Variants in ZRANB3 observed in about 807,000 individuals in gnomAD.
ZRANB3 encodes the protein zinc finger RANBP2-type containing 3, also known as DNA annealing helicase and endonuclease ZRANB3.
In ZRANB3, 125 loss-of-function variants were observed where a neutral mutation model predicts 133.8. The ratio of observed to expected loss-of-function variants is 0.93; its 90% confidence interval spans 0.81 to 1.08. The LOEUF (loss-of-function observed/expected upper bound fraction) is 1.08. Among genes scored for constraint, ZRANB3 ranks in the 50% least tolerant of loss-of-function variants. The pLI, the probability that ZRANB3 is intolerant of heterozygous loss-of-function variation, is 0.00. For synonymous variants in ZRANB3, 387 were observed against 432.7 expected, an observed-to-expected ratio of 0.89 and a Z score of 1.31; for missense variants, 1,229 against 1,275.5, an observed-to-expected ratio of 0.96 and a Z score of 0.56.
At chr2:135,407,061 A>C (rs1458589612) in intron 2 of ZRANB3, among the ~76,000 whole-genome samples, 1 of 152,200 alleles carries the variant, frequency 6.6e-6, no homozygotes, top group Non-Finnish European at 1.5e-5. Flanking sequence ...ATGATTATAT[A>C]TCTAGAAAAC....
chr2:135,275,800 AT>A lies in ZRANB3; in HGVS notation c.967-46del, dbSNP rs766134103. 35 of 1,396,212 alleles carry A rather than the reference AT, an allele frequency of 2.5e-5. No individual in the cohort carries two copies. The African/African-American group carries it at 4.6e-4, about 18-fold the overall frequency. The allele number at this position is 1,396,212 out of a possible 1,614,324, so 86.5% of individuals were successfully genotyped here. A position where few individuals can be genotyped will look rare whatever the true frequency, so the allele number is the denominator to read the frequency against. On this transcript the variant is annotated intron_variant, in intron 8 of 20. Coordinates refer to ENST00000264159, the MANE Select transcript of ZRANB3 (RefSeq NM_032143.4). ...CCTTATTAGTGTCATAAAAATGATTATTTAAAATTTATGTCACTTTTAATAA... is the reference window on the plus strand; with the variant it reads ...CCTTATTAGTGTCATAAAAATGATTATTAAAATTTATGTCACTTTTAATAA...
At chr2:135,379,591 T>C (rs759699779) in intron 3 of ZRANB3, among the ~76,000 whole-genome samples, 3 of 152,216 alleles carry the variant, frequency 2.0e-5, no homozygotes, top group Non-Finnish European at 4.4e-5. Flanking sequence ...AATAAAATCC[T>C]TTACAGACAA....
chr2:135,343,110 C>A (rs141402680), intron 6 of ZRANB3, among the ~76,000 whole-genome samples: 1 of 141,888 alleles, frequency 7.0e-6, no homozygotes, highest in South Asian at 2.2e-4. Context: ...TGCTTGAACC[C>A]GGGAGGCAGA....
intron 8 of ZRANB3, among the ~76,000 whole-genome samples, chr2:135,293,474 A>G (rs1017478402): frequency 1.3e-5 from 2 of 152,160 alleles, no homozygotes; most frequent in African/African-American, 2.4e-5. Flanking sequence ...GAAGTTGCCT[A>G]TCAGCTTAAG....
At chr2:135,303,794 T>C (rs541678745) in intron 8 of ZRANB3, among the ~76,000 whole-genome samples, 1 of 152,340 alleles carries the variant, frequency 6.6e-6, no homozygotes, top group East Asian at 1.9e-4. Flanking sequence ...ATCTATCTGT[T>C]GTTTATTTAA....
At chr2:135,473,011 G>A (rs1304445501) in intron 2 of ZRANB3, among the ~76,000 whole-genome samples, 1 of 152,112 alleles carries the variant, frequency 6.6e-6, no homozygotes, top group Non-Finnish European at 1.5e-5. Flanking sequence ...AATATTACTA[G>A]TACAGCTGTA....
intron 2 of ZRANB3, among the ~76,000 whole-genome samples, chr2:135,422,170 A>C (rs1265533871): frequency 1.3e-5 from 2 of 151,954 alleles, no homozygotes; most frequent in Non-Finnish European, 2.9e-5. Flanking sequence ...TCTTGACCCC[A>C]GTTTTCCTGA....
intron 2 of ZRANB3, among the ~76,000 whole-genome samples, chr2:135,411,813 G>A (rs1688314834): frequency 6.6e-6 from 1 of 152,084 alleles, no homozygotes. Context: ...TATTGAGTAT[G>A]TTCACTATTT....
At chr2:135,247,516 C>T (rs1052232476) in intron 12 of ZRANB3, among the ~76,000 whole-genome samples, 1 of 151,544 alleles carries the variant, frequency 6.6e-6, no homozygotes, top group Non-Finnish European at 1.5e-5. Context: ...TTTTTAAAAC[C>T]CAAAGTAGTA....
At chr2:135,452,791 G>A (rs553020583) in intron 2 of ZRANB3, among the ~76,000 whole-genome samples, 1 of 152,270 alleles carries the variant, frequency 6.6e-6, no homozygotes, top group African/African-American at 2.4e-5. Flanking sequence ...CCTCCCTCCT[G>A]GCTGCTTTCA....
intron 12 of ZRANB3, among the ~76,000 whole-genome samples, chr2:135,247,483 C>T (rs989839408): frequency 4.0e-5 from 6 of 151,718 alleles, no homozygotes; most frequent in African/African-American, 1.5e-4. Flanking sequence ...ACAAAACACA[C>T]AAAATAAAAC....
intron 2 of ZRANB3, among the ~76,000 whole-genome samples, chr2:135,498,006 T>C (rs1574207054): frequency 6.6e-6 from 1 of 152,024 alleles, no homozygotes; most frequent in East Asian, 1.9e-4. Flanking sequence ...TGAGCCAAGA[T>C]GGTGCCACTG....
intron 6 of ZRANB3, among the ~76,000 whole-genome samples, chr2:135,335,690 C>T (rs528966480): frequency 6.7e-6 from 1 of 149,480 alleles, no homozygotes; most frequent in East Asian, 1.9e-4. Context: ...AAGACTCTGT[C>T]TCAAACAAAA....
chr2:135,430,721 T>C (rs1574092651), intron 2 of ZRANB3, among the ~76,000 whole-genome samples: 1 of 152,254 alleles, frequency 6.6e-6, no homozygotes. Flanking sequence ...AATAGATATA[T>C]AGATTAATCA....
chr2:135,459,067 T>C (rs1418545592), intron 2 of ZRANB3, among the ~76,000 whole-genome samples: 1 of 152,178 alleles, frequency 6.6e-6, no homozygotes, highest in East Asian at 1.9e-4. Context: ...TGATACTTCT[T>C]ATCACCTTCT....
At chr2:135,435,449 A>G (rs947631043) in intron 2 of ZRANB3, among the ~76,000 whole-genome samples, 2 of 152,204 alleles carry the variant, frequency 1.3e-5, no homozygotes, top group African/African-American at 4.8e-5. Flanking sequence ...TGCTACATTG[A>G]ACATTCACAT....
intron 3 of ZRANB3, among the ~76,000 whole-genome samples, chr2:135,375,144 T>G (rs1686362278): frequency 6.6e-6 from 1 of 152,226 alleles, no homozygotes; most frequent in Non-Finnish European, 1.5e-5. Context: ...CGACAGTTTC[T>G]GTTAAAAAAA....
intron 20 of ZRANB3, among the ~76,000 whole-genome samples, chr2:135,201,481 C>T (rs997678565): frequency 6.6e-5 from 10 of 151,782 alleles, no homozygotes; most frequent in Non-Finnish European, 1.3e-4. Context: ...GGTGAAACCC[C>T]GTCTCTACTA....
intron 8 of ZRANB3, among the ~76,000 whole-genome samples, chr2:135,283,279 T>C (rs1328742603): frequency 6.6e-6 from 1 of 151,518 alleles, no homozygotes; most frequent in Non-Finnish European, 1.5e-5. Context: ...AGTGAGACCC[T>C]GTCTCAAACA....
Sources: gnomAD v4.1 joint callset for allele counts (sites outside exome capture counted in the v4.1 genomes callset) on GRCh38, gnomAD v4.1.1 for gene constraint, MANE v1.5 for transcripts, NCBI Gene and HGNC (gene_info 2026-07-23, HGNC 2026-07-21) for gene names.